Variants in DMBT1 observed in about 807,000 individuals in gnomAD.
The protein encoded by DMBT1 is deleted in malignant brain tumors 1, also known as scavenger receptor cysteine-rich domain-containing protein DMBT1.
A neutral mutation model predicts 252.9 loss-of-function variants in DMBT1; 198 were observed. The ratio of observed to expected loss-of-function variants is 0.78; its 90% CI spans 0.70 to 0.88. The LOEUF is 0.88. DMBT1 is among the 40% of genes least tolerant of loss of function. The pLI is 0.00. For missense variants in DMBT1, 2,432 were observed against 2,404.7 expected, an observed-to-expected ratio of 1.01 and a Z score of -0.24; for synonymous variants, 990 against 942.7, an observed-to-expected ratio of 1.05 and a Z score of -0.92.
chr10:122,577,009 GGTA>G (rs2097718523), intron 7 of DMBT1, among the ~76,000 whole-genome samples: 1 of 152,184 alleles, frequency 6.6e-6, no homozygotes, highest in Non-Finnish European at 1.5e-5. Flanking sequence ...TTGGCCTGTG[GGTA>G]CAATGCCACG....
intron 5 of DMBT1, among the ~76,000 whole-genome samples, chr10:122,572,603 T>C (rs918026155): frequency 3.9e-5 from 6 of 152,170 alleles, no homozygotes; most frequent in African/African-American, 1.4e-4. Context: ...AGTGATGTCT[T>C]CATTGATGTT....
At chr10:122,561,279 T>A (rs954177258) in intron 1 of DMBT1, among the ~76,000 whole-genome samples, 2 of 152,228 alleles carry the variant, frequency 1.3e-5, no homozygotes, top group African/African-American at 4.8e-5. Context: ...GCTTGATGGC[T>A]AATATTTGCC....
chr10:122,565,277 T>C (rs2097580542), intron 1 of DMBT1, among the ~76,000 whole-genome samples: 1 of 152,176 alleles, frequency 6.6e-6, no homozygotes, highest in African/African-American at 2.4e-5. Flanking sequence ...ATCTAATGGA[T>C]CCATATGGTG....
Position 122,631,115 on chromosome 10 carries a change from T to A in DMBT1, c.6180T>A (p.Arg2060=), listed in dbSNP as rs551305593. The part of the protein sequence containing the change: ...EVVCRQLGCG[R]AVSALGNAYF... ...TCTGCAGACAGCTAGGGTGTGGACG[T>A]GCAGTTTCAGCCCTTGGAAATGCAT... Residue 2060 remains arginine (R), a synonymous_variant, in exon 49 of 56, where the codon CGT becomes CGA. Transcript: ENST00000338354. 2.3e-4 allele frequency: 375 copies of A among 1,614,008 alleles called. 3 individuals carry two copies. In the South Asian group the frequency reaches 3.9e-3, roughly 17 times the overall value.
intron 54 of DMBT1, among the ~76,000 whole-genome samples, chr10:122,638,052 G>A (rs1194807966): frequency 6.6e-6 from 1 of 152,190 alleles, no homozygotes; most frequent in Non-Finnish European, 1.5e-5. Flanking sequence ...AAAGTCCCAC[G>A]TTCCAGGAAA....
chr10:122,642,824 T>C (rs201949957), intron 55 of DMBT1, among the ~76,000 whole-genome samples: 3 of 152,156 alleles, frequency 2.0e-5, no homozygotes, highest in East Asian at 3.9e-4. Flanking sequence ...GCATGGAGCA[T>C]GTGGTCATTG....
chr10:122,576,597 C>T lies in DMBT1; in HGVS notation c.482C>T (p.Ser161Leu), dbSNP rs1330163256. The change falls in exon 7 of 56, where the codon TCA (serine) becomes TTA (leucine). Residue 161 changes from serine (S) to leucine (L), a missense_variant. By Grantham distance (145) the Ser-to-Leu change is moderately radical (BLOSUM62 -2). Coordinates refer to ENST00000338354, the MANE Select transcript of DMBT1 (RefSeq NM_001377530.1). ...APGNAWFGQG[S>L]GPIALDDVRC... is the part of the protein sequence containing the mutation. ...GGAAATGCCTGGTTTGGCCAGGGCT[C>T]AGGACCCATTGCCCTGGATGATGTG... 1 of 1,613,894 alleles carries T rather than the reference C, an allele frequency of 6.2e-7. No homozygotes were observed. Among genetic ancestry groups the T allele is most frequent in the Admixed American group, 1.7e-5 (1 of 60,020 alleles).
chr10:122,641,769 G>A (rs540829774), intron 55 of DMBT1, among the ~76,000 whole-genome samples: 6 of 152,234 alleles, frequency 3.9e-5, no homozygotes, highest in East Asian at 1.9e-4. Context: ...CTGGGAAGAC[G>A]GGGATGTGTG....
chr10:122,597,388 T>C (rs943121568), intron 24 of DMBT1, among the ~76,000 whole-genome samples: 13 of 152,144 alleles, frequency 8.5e-5, no homozygotes. Flanking sequence ...GAATTGAGAG[T>C]GATTGCCAAA....
chr10:122,585,479 T>C (rs11528754), intron 15 of DMBT1, among the ~76,000 whole-genome samples, 170 bp downstream of exon 15: 20,485 of 147,010 alleles, frequency 0.14, 2,456 homozygotes, highest in African/African-American at 0.24. Context: ...GGTCTGATGT[T>C]GGAGGCTGGA....
intron 55 of DMBT1, among the ~76,000 whole-genome samples, chr10:122,641,151 G>C (rs1405022924): frequency 6.6e-6 from 1 of 152,152 alleles, no homozygotes; most frequent in Non-Finnish European, 1.5e-5. Flanking sequence ...CAGAGGTCAG[G>C]CCAGAGATGT....
At position 122,593,135 on chromosome 10, in the gene DMBT1, C is replaced by T. The variant is rs977803286; in HGVS notation, c.2501-434C>T. Among the ~76,000 whole-genome samples, 158 of 149,112 alleles carry T rather than the reference C, an allele frequency of 1.1e-3. 7 individuals are homozygous for T. The highest frequency in any genetic ancestry group is 3.4e-3 in the African/African-American group (142 of 41,292). On this transcript the variant is annotated intron_variant, in intron 20 of 55. Transcript: ENST00000338354. ...TCCTTGACCTCAGGTCCTCTCAGAACGCTGCAGAGCACTGCCTTGCCCTGG... is the reference window on the plus strand; with the variant it reads ...TCCTTGACCTCAGGTCCTCTCAGAATGCTGCAGAGCACTGCCTTGCCCTGG...
In DMBT1 at chr10:122,625,319, C is replaced by T. The variant is rs2098110555; in HGVS notation, c.5635+16C>T. 2 of 1,606,932 alleles carry T rather than the reference C, an allele frequency of 1.2e-6. No homozygotes were observed. Among genetic ancestry groups the T allele is most frequent in the Non-Finnish European group, 1.7e-6 (2 of 1,175,422 alleles). On this transcript the variant is annotated intron_variant, in intron 45 of 55. Transcript: ENST00000338354. ...ACTACGACAGGTGAGTCTGCTACAC[C>T]CCAGTCCAGCAATATTTCTCTTGGG...
chr10:122,634,297 TA>T (rs2098191438), intron 52 of DMBT1, among the ~76,000 whole-genome samples: 1 of 149,770 alleles, frequency 6.7e-6, no homozygotes, highest in South Asian at 2.2e-4. Flanking sequence ...CAATCATAAG[TA>T]GAAATCATCG....
intron 23 of DMBT1, 103 bp from the exon 24 acceptor site, chr10:122,596,922 C>T: frequency 6.4e-6 from 2 of 312,252 alleles, no homozygotes; most frequent in South Asian, 5.5e-5. Context: ...TGATGGGGAC[C>T]TAGGGTGGAC....
chr10:122,617,322 A>G, intron 40 of DMBT1, 62 bp downstream of exon 40: 8 of 1,564,946 alleles, frequency 5.1e-6, no homozygotes, highest in Non-Finnish European at 6.1e-6. Context: ...TGTGTTTGAA[A>G]CTGATAGGAT....
At position 122,579,814 on chromosome 10, in the gene DMBT1, C is replaced by A. The variant is rs568492430; in HGVS notation, c.916C>A (p.His306Asn). Reference protein sequence around the residue: ...IVLDDVRCSGHESYLWSCPHN... With the variant: ...IVLDDVRCSGNESYLWSCPHN... ...CCTGGATGATGTGCGCTGCTCAGGA[C>A]ATGAGTCCTACCTGTGGAGCTGCCC... is the stretch of plus-strand genomic sequence containing the variant. Residue 306 changes from histidine to asparagine, a missense_variant, in exon 10 of 56, where the codon CAT becomes AAT. His to Asn is a moderately conservative substitution (Grantham distance 68, BLOSUM62 1). Transcript: ENST00000338354. The A allele has an allele frequency of 1.1e-5, 18 of 1,613,510 alleles. No individual in the cohort carries two copies. Among genetic ancestry groups the A allele is most frequent in the Non-Finnish European group, 1.5e-5 (18 of 1,179,642 alleles).
At chr10:122,573,161 G>A (rs1273843185) in intron 5 of DMBT1, among the ~76,000 whole-genome samples, 1 of 152,322 alleles carries the variant, frequency 6.6e-6, no homozygotes, top group African/African-American at 2.4e-5. Flanking sequence ...GGGCTGGACT[G>A]AGCCCATGCC....
At chr10:122,641,752 C>T (rs1246896594) in intron 55 of DMBT1, among the ~76,000 whole-genome samples, 1 of 152,140 alleles carries the variant, frequency 6.6e-6, no homozygotes, top group African/African-American at 2.4e-5. Context: ...TATGACAATG[C>T]AATTTGCTGG....
Sources: allele counts gnomAD v4.1 joint callset (sites outside exome capture counted in the v4.1 genomes callset), GRCh38; gene constraint gnomAD v4.1.1; transcripts MANE v1.5; gene names NCBI Gene and HGNC (gene_info 2026-07-23, HGNC 2026-07-21).